The following ARL15 variants were observed in gnomAD, a reference collection of about 807,000 sequenced individuals.
ARL15 encodes ARF like GTPase 15.
A neutral mutation model predicts 25.2 loss-of-function variants in ARL15; 19 were observed. That is an observed-to-expected ratio of 0.75 (90% CI 0.53 to 1.10). The LOEUF is 1.10. Among genes scored for constraint, ARL15 ranks in the 50% least tolerant of loss-of-function variants. The probability of loss-of-function intolerance (pLI) is 0.00; values close to 1 mark genes in which losing one functional copy is unlikely to be tolerated. For synonymous variants in ARL15, 94 were observed against 86.8 expected, an observed-to-expected ratio of 1.08 and a Z score of -0.46; for missense variants, 220 against 246.0, an observed-to-expected ratio of 0.89 and a Z score of 0.71.
chr5:53,973,562 G>A (rs1747822060), intron 4 of ARL15, among the ~76,000 whole-genome samples: 1 of 124,046 alleles, frequency 8.1e-6, no homozygotes, highest in Admixed American at 1.0e-4. Flanking sequence ...CAACAAGAGT[G>A]AAACTTCATC....
At chr5:54,173,685 C>T (rs1579873003) in intron 1 of ARL15, among the ~76,000 whole-genome samples, 1 of 152,190 alleles carries the variant, frequency 6.6e-6, no homozygotes, top group East Asian at 1.9e-4. Flanking sequence ...CTCTTGTGCC[C>T]CCTATTCTCC....
At chr5:54,122,062 T>C (rs557127451) in intron 3 of ARL15, among the ~76,000 whole-genome samples, 2 of 152,338 alleles carry the variant, frequency 1.3e-5, no homozygotes, top group South Asian at 2.1e-4. Context: ...AGGCAAAGAA[T>C]AGATTTTCTG....
intron 1 of ARL15, among the ~76,000 whole-genome samples, chr5:54,274,544 T>A (rs1757875595): frequency 1.3e-5 from 2 of 152,194 alleles, no homozygotes; most frequent in Middle Eastern, 3.2e-3. Flanking sequence ...AGAAAGGTGG[T>A]ATGCTAGCCA....
chr5:54,205,376 C>T (rs1755838936), intron 1 of ARL15, among the ~76,000 whole-genome samples: 1 of 152,118 alleles, frequency 6.6e-6, no homozygotes, highest in African/African-American at 2.4e-5. Context: ...ACAATATAAA[C>T]CACTGCATTG....
chr5:54,226,536 A>G (rs1056676554), intron 1 of ARL15, among the ~76,000 whole-genome samples: 1 of 152,228 alleles, frequency 6.6e-6, no homozygotes, highest in African/African-American at 2.4e-5. Flanking sequence ...GCAAAGAGGA[A>G]GAGATCCAAA....
At position 54,310,458 on chromosome 5, in the gene ARL15, C is replaced by CA; in HGVS notation, c.21dup (p.Glu8Ter). 6.2e-7 allele frequency: 1 copy of CA among 1,609,456 alleles called. No homozygotes were observed. The highest frequency in any genetic ancestry group is 1.1e-5 in the South Asian group (1 of 89,816). ...AGATAATCCATGTACAGAAACGCCT[C>CA]AGTTATTCGGAGATCAGACATCCGG... On this transcript the variant is annotated frameshift_variant, in exon 1 of 5. Coordinates refer to ENST00000504924, the MANE Select transcript of ARL15 (RefSeq NM_019087.3). LOFTEE classifies it high-confidence loss of function.
In ARL15 at chr5:54,126,772, C is replaced by T. The variant is rs180935812; in HGVS notation, c.254-13362G>A. Among the ~76,000 whole-genome samples the T allele has an allele frequency of 1.6e-3, 251 of 152,330 alleles. 2 individuals are homozygous for T. The highest frequency in any genetic ancestry group is 8.0e-3 in the Admixed American group (123 of 15,300). On this transcript the variant is annotated intron_variant, in intron 3 of 4. Transcript: ENST00000504924. ...TTGCCAAGTGCCAATGCCATGCCTT[C>T]GAACTTCCCAGCCTCCAGATCTTGA...
chr5:53,943,721 G>C (rs958216868), intron 4 of ARL15, among the ~76,000 whole-genome samples: 10 of 152,124 alleles, frequency 6.6e-5, no homozygotes, highest in Non-Finnish European at 1.5e-4. Flanking sequence ...TTGTTGGAAG[G>C]AAAGTGCTCA....
At chr5:54,164,539 G>A (rs1381427353) in intron 2 of ARL15, among the ~76,000 whole-genome samples, 2 of 151,948 alleles carry the variant, frequency 1.3e-5, no homozygotes, top group Non-Finnish European at 2.9e-5. Flanking sequence ...ATATTTTTAA[G>A]TTCTGTTAGG....
chr5:54,135,367 C>T (rs148324065), intron 3 of ARL15, among the ~76,000 whole-genome samples: 173 of 152,198 alleles, frequency 1.1e-3, no homozygotes, highest in South Asian at 5.0e-3. Flanking sequence ...ACAAGGGACC[C>T]CACAATTTAA....
At chr5:54,083,194 AT>A (rs1751859992) in intron 4 of ARL15, among the ~76,000 whole-genome samples, 1 of 152,258 alleles carries the variant, frequency 6.6e-6, no homozygotes, top group African/African-American at 2.4e-5. Flanking sequence ...AAAGAATTGT[AT>A]TTCATGAGCA....
chr5:53,940,041 C>T (rs943565025), intron 4 of ARL15, among the ~76,000 whole-genome samples: 1 of 150,326 alleles, frequency 6.7e-6, no homozygotes, highest in Non-Finnish European at 1.5e-5. Flanking sequence ...TGCAGAGGCG[C>T]GATCTCGGCT....
chr5:53,923,972 A>T (rs1228894969), intron 4 of ARL15, among the ~76,000 whole-genome samples: 1 of 152,254 alleles, frequency 6.6e-6, no homozygotes. Flanking sequence ...TTAAGATCTG[A>T]TTTGAAAAAC....
intron 1 of ARL15, among the ~76,000 whole-genome samples, chr5:54,192,917 T>A (rs949315335): frequency 4.2e-4 from 64 of 152,280 alleles, no homozygotes; most frequent in African/African-American, 1.5e-3. Context: ...ACCATCTTAC[T>A]GGGGTGGTGA....
At chr5:54,238,274 T>C (rs78950224) in intron 1 of ARL15, among the ~76,000 whole-genome samples, 1,642 of 152,266 alleles carry the variant, frequency 0.011, 26 homozygotes, top group African/African-American at 0.036. Context: ...CTTTGTGCCC[T>C]GGAAACACTG....
chr5:54,199,170 T>G (rs926917823), intron 1 of ARL15, among the ~76,000 whole-genome samples: 3 of 152,190 alleles, frequency 2.0e-5, no homozygotes, highest in South Asian at 2.1e-4. Flanking sequence ...AGACTTAAAC[T>G]TTAGACCTAA....
intron 4 of ARL15, among the ~76,000 whole-genome samples, chr5:54,107,554 G>A (rs1488030660): frequency 6.6e-6 from 1 of 151,998 alleles, no homozygotes; most frequent in Non-Finnish European, 1.5e-5. Flanking sequence ...GGAGATCTAG[G>A]GGTGTAAACT....
At chr5:54,226,158 A>T (rs564338020) in intron 1 of ARL15, among the ~76,000 whole-genome samples, 12 of 152,056 alleles carry the variant, frequency 7.9e-5, no homozygotes, top group African/African-American at 2.9e-4. Flanking sequence ...TAAGGATGCC[A>T]GTGAGCCAAC....
At chr5:54,214,215 G>C (rs1756120769) in intron 1 of ARL15, among the ~76,000 whole-genome samples, 1 of 152,122 alleles carries the variant, frequency 6.6e-6, no homozygotes, top group Admixed American at 6.6e-5. Flanking sequence ...ATTTAATAGA[G>C]AATACTTTAT....
Sources: allele counts gnomAD v4.1 joint callset (sites outside exome capture counted in the v4.1 genomes callset), GRCh38; gene constraint gnomAD v4.1.1; transcripts MANE v1.5; gene names NCBI Gene and HGNC (gene_info 2026-07-23, HGNC 2026-07-21).